EBF2: variants seen among roughly 807,000 people sequenced by gnomAD.
The protein encoded by EBF2 is EBF transcription factor 2, also known as transcription factor COE2.
EBF2 carries 21 observed loss-of-function variants against 72.8 expected under a neutral mutation model. The observed-to-expected ratio is 0.29, with a 90% CI of 0.20 to 0.42. EBF2 has a LOEUF of 0.42. EBF2 is among the 10% of genes least tolerant of loss of function. EBF2 has a pLI of 1.00. For missense variants in EBF2, 637 were observed against 731.2 expected (o/e 0.87, Z 1.49); for synonymous variants, 299 against 274.2 (o/e 1.09, Z -0.89).
intron 6 of EBF2, among the ~76,000 whole-genome samples, chr8:25,940,642 A>AC (rs1803654043): frequency 6.6e-6 from 1 of 151,992 alleles, no homozygotes; most frequent in African/African-American, 2.4e-5. Context: ...ATAAAAAAAA[A>AC]ACCACAAAAC....
chr8:26,042,083 C>T lies in EBF2; in HGVS notation c.288+12G>A. Reference sequence around the variant, plus strand: ...ATTAGGCCGCGGGGTTTGGGGGGTACTTTCCGCTTACTTTGTCATTCTCCA... The same window carrying T: ...ATTAGGCCGCGGGGTTTGGGGGGTATTTTCCGCTTACTTTGTCATTCTCCA... On this transcript the variant is annotated intron_variant, in intron 2 of 15. Coordinates refer to ENST00000520164, the MANE Select transcript of EBF2 (RefSeq NM_022659.4). The T allele has an allele frequency of 6.2e-7, 1 of 1,612,748 alleles. No homozygotes were observed. The highest frequency in any genetic ancestry group is 1.1e-5 in the South Asian group (1 of 90,996).
chr8:25,858,243 T>C, intron 14 of EBF2, 76 bp downstream of exon 14: 1 of 1,563,520 alleles, frequency 6.4e-7, no homozygotes, highest in Non-Finnish European at 8.8e-7. Context: ...CAAATGCAAC[T>C]TTCTCCCAAA....
intron 6 of EBF2, among the ~76,000 whole-genome samples, chr8:26,016,744 G>A (rs966756586): frequency 3.9e-5 from 6 of 151,990 alleles, no homozygotes; most frequent in African/African-American, 9.7e-5. Context: ...AGAAAACCTC[G>A]CTTTCTCTTG....
intron 6 of EBF2, among the ~76,000 whole-genome samples, chr8:25,959,665 G>A (rs996232632): frequency 6.6e-6 from 1 of 152,138 alleles, no homozygotes; most frequent in African/African-American, 2.4e-5. Context: ...TGTCAGCACT[G>A]TAGCCATTTT....
intron 6 of EBF2, among the ~76,000 whole-genome samples, chr8:26,005,534 T>TAAA (rs1313787130): frequency 0.061 from 1,998 of 32,946 alleles, 24 homozygotes; most frequent in South Asian, 0.081. Flanking sequence ...TTATATATTA[T>TAAA]ATATATTTTA....
At chr8:25,853,414 A>G (rs1802022601) in intron 14 of EBF2, among the ~76,000 whole-genome samples, 1 of 152,156 alleles carries the variant, frequency 6.6e-6, no homozygotes, top group Non-Finnish European at 1.5e-5. Flanking sequence ...TGACCAAGAG[A>G]GATCCATATA....
In EBF2 at chr8:25,986,272, AC is replaced by A. The variant is rs550636137; in HGVS notation, c.551+46812del. Reference sequence around the variant, plus strand: ...AATGCCCTCCACCTGCTTAAATTCTACCATATTCAACTCCCAGCTCCTTCAT... The same window carrying A: ...AATGCCCTCCACCTGCTTAAATTCTACATATTCAACTCCCAGCTCCTTCAT... On this transcript the variant is annotated intron_variant, in intron 6 of 15. Transcript: ENST00000520164. 3.2e-4 allele frequency among the ~76,000 whole-genome samples: 48 copies of A among 152,014 alleles called. 1 individual carries two copies. The South Asian group carries it at 8.2e-3, about 26-fold the overall frequency.
At chr8:25,892,321 C>T (rs1357661227) in intron 7 of EBF2, among the ~76,000 whole-genome samples, 1 of 152,114 alleles carries the variant, frequency 6.6e-6, no homozygotes, top group Non-Finnish European at 1.5e-5. Context: ...AAAGTGAAGC[C>T]TCCAAAGTGG....
At chr8:26,026,025 A>T (rs964937605) in intron 6 of EBF2, among the ~76,000 whole-genome samples, 7 of 152,298 alleles carry the variant, frequency 4.6e-5, no homozygotes, top group Non-Finnish European at 1.0e-4. Context: ...AATAAAATTT[A>T]AAAGATAGCC....
At chr8:26,024,049 G>A (rs1805257871) in intron 6 of EBF2, among the ~76,000 whole-genome samples, 1 of 152,078 alleles carries the variant, frequency 6.6e-6, no homozygotes, top group African/African-American at 2.4e-5. Context: ...TCCAAAATCT[G>A]GGCCCAAATA....
At chr8:25,855,432 C>T (rs1222460239) in intron 14 of EBF2, among the ~76,000 whole-genome samples, 2 of 152,012 alleles carry the variant, frequency 1.3e-5, no homozygotes, top group South Asian at 2.1e-4. Flanking sequence ...TGAAGTAGTG[C>T]GAGAGCAAAA....
At chr8:25,949,708 T>C (rs998213069) in intron 6 of EBF2, among the ~76,000 whole-genome samples, 3 of 151,692 alleles carry the variant, frequency 2.0e-5, no homozygotes, top group African/African-American at 4.9e-5. Context: ...GAGAAAAAAA[T>C]AGTATTGAAA....
At chr8:26,001,410 G>A (rs1804724007) in intron 6 of EBF2, among the ~76,000 whole-genome samples, 1 of 152,196 alleles carries the variant, frequency 6.6e-6, no homozygotes, top group Non-Finnish European at 1.5e-5. Context: ...ACATCTAGCT[G>A]AACAGATATC....
intron 6 of EBF2, among the ~76,000 whole-genome samples, chr8:25,985,434 C>G (rs73675761): frequency 0.017 from 2,520 of 152,234 alleles, 77 homozygotes; most frequent in African/African-American, 0.058. Flanking sequence ...GAGTCAGCCT[C>G]GCTCTAATGA....
chr8:25,994,666 T>G (rs146583337), intron 6 of EBF2, among the ~76,000 whole-genome samples: 162 of 152,348 alleles, frequency 1.1e-3, no homozygotes, highest in Non-Finnish European at 1.8e-3. Flanking sequence ...AGGCCATTAT[T>G]CTAAGTGAAT....
rs534430161 is a variant in EBF2, at chr8:25,997,035, C to G, written c.551+36050G>C. On this transcript the variant is annotated intron_variant, in intron 6 of 15. Coordinates refer to ENST00000520164, the MANE Select transcript of EBF2 (RefSeq NM_022659.4). ...AAACTAAAAGAGTTTTATTAAGCAGCCTATGAGCAAAAAAACAAAAAGCAC... is the reference window on the plus strand; with the variant it reads ...AAACTAAAAGAGTTTTATTAAGCAGGCTATGAGCAAAAAAACAAAAAGCAC... Among the ~76,000 whole-genome samples the G allele has an allele frequency of 3.0e-4, 45 of 152,110 alleles. No individual in the cohort carries two copies. The Middle Eastern group carries it at 0.014, about 46-fold the overall frequency.
At chr8:25,847,372 G>A (rs1320242553) in intron 15 of EBF2, among the ~76,000 whole-genome samples, 1 of 152,084 alleles carries the variant, frequency 6.6e-6, no homozygotes, top group African/African-American at 2.4e-5. Flanking sequence ...TTTTTTGTTT[G>A]TTTGTTTTGT....
At chr8:26,036,393 G>T (rs969805492) in intron 5 of EBF2, among the ~76,000 whole-genome samples, 1 of 152,072 alleles carries the variant, frequency 6.6e-6, no homozygotes. Context: ...CTCTAATGCT[G>T]ATATTCAGCA....
intron 6 of EBF2, among the ~76,000 whole-genome samples, chr8:25,998,839 A>G (rs907058778): frequency 2.0e-5 from 3 of 152,228 alleles, no homozygotes; most frequent in African/African-American, 7.2e-5. Flanking sequence ...AAAGATTGAT[A>G]TCTCGTTACA....
Sources: allele counts gnomAD v4.1 joint callset (sites outside exome capture counted in the v4.1 genomes callset), GRCh38; gene constraint gnomAD v4.1.1; transcripts MANE v1.5; gene names NCBI Gene and HGNC (gene_info 2026-07-23, HGNC 2026-07-21).